The following MTHFD2 variants were observed in gnomAD, a reference collection of about 807,000 sequenced individuals.
The protein encoded by MTHFD2 is bifunctional methylenetetrahydrofolate dehydrogenase/cyclohydrolase, mitochondrial.
In MTHFD2, 26 loss-of-function variants were observed where a neutral mutation model predicts 36.8. That is an observed-to-expected ratio of 0.71 (90% CI 0.52 to 0.98). The LOEUF is 0.98. MTHFD2 is among the 50% of genes least tolerant of loss of function. MTHFD2 has a pLI of 0.00. For missense variants in MTHFD2, 373 were observed against 434.0 expected, an observed-to-expected ratio of 0.86 and a Z score of 1.25; for synonymous variants, 164 against 155.2, an observed-to-expected ratio of 1.06 and a Z score of -0.42.
At chr2:74,206,022 C>T in intron 2 of MTHFD2, 133 bp downstream of exon 2, 1 of 905,782 alleles carries the variant, frequency 1.1e-6, no homozygotes. Context: ...GAACTGTATC[C>T]CAAAACTTTG....
rs1694471897 is a variant in MTHFD2, at chr2:74,217,243, A to G, written c.*3001A>G. On this transcript the variant is annotated 3_prime_UTR_variant, in exon 8 of 8. Coordinates refer to ENST00000394053, the MANE Select transcript of MTHFD2 (RefSeq NM_006636.4). ...GTGATTTACTCAAGGTTTAAATCAT[A>G]GTTGTTTTGGAGAAAGTAAGTGTCA... 1 of 152,222 alleles carries G rather than the reference A, an allele frequency of 6.6e-6. No individual in the cohort carries two copies. 9.4% of individuals were successfully genotyped at this position (152,222 alleles called of 1,614,324 possible).
At chr2:74,210,935 C>T (rs180870223) in intron 5 of MTHFD2, among the ~76,000 whole-genome samples, 1 of 152,210 alleles carries the variant, frequency 6.6e-6, no homozygotes, top group African/African-American at 2.4e-5. Context: ...TACAGGCATG[C>T]GCCACCACGC....
intron 1 of MTHFD2, among the ~76,000 whole-genome samples, chr2:74,199,871 A>G (rs2103800506): frequency 6.6e-6 from 1 of 152,280 alleles, no homozygotes; most frequent in East Asian, 1.9e-4. Flanking sequence ...GAGCGCTGGC[A>G]TTGTTGGCAT....
intron 2 of MTHFD2, 69 bp downstream of exon 2, chr2:74,205,958 T>A: frequency 6.7e-7 from 1 of 1,490,998 alleles, no homozygotes; most frequent in Admixed American, 2.1e-5. Flanking sequence ...CCATTCTAAT[T>A]TATGATTTCT....
chr2:74,202,757 A>T (rs1176260615), intron 1 of MTHFD2, among the ~76,000 whole-genome samples: 1 of 151,332 alleles, frequency 6.6e-6, no homozygotes, highest in Non-Finnish European at 1.5e-5. Context: ...CAATCTCCTG[A>T]CCTCATGATC....
chr2:74,206,498 C>G (rs1378834300), intron 2 of MTHFD2: 1 of 152,250 alleles, frequency 6.6e-6, no homozygotes, highest in African/African-American at 2.4e-5. Flanking sequence ...TGGGCAGGCT[C>G]AGATATGCCT....
intron 1 of MTHFD2, among the ~76,000 whole-genome samples, chr2:74,199,240 G>T (rs556893977): frequency 7.9e-5 from 12 of 152,284 alleles, no homozygotes; most frequent in African/African-American, 2.9e-4. Context: ...CGACTTGCTC[G>T]GGGTCCCCGC....
chr2:74,201,285 A>G (rs1313817834), intron 1 of MTHFD2, among the ~76,000 whole-genome samples: 1 of 151,686 alleles, frequency 6.6e-6, no homozygotes, highest in African/African-American at 2.4e-5. Context: ...ACAGTTTTGG[A>G]TTTTATTTGA....
At chr2:74,213,119 G>C (rs1400509404) in intron 7 of MTHFD2, among the ~76,000 whole-genome samples, 4 of 151,912 alleles carry the variant, frequency 2.6e-5, no homozygotes, top group African/African-American at 9.7e-5. Flanking sequence ...GGCCAGGTTG[G>C]TCTTGAACTC....
Position 74,207,698 on chromosome 2 carries a change from T to C in MTHFD2, c.287-6T>C, listed in dbSNP as rs773272911. 8.1e-6 allele frequency: 13 copies of C among 1,596,794 alleles called. No individual in the cohort carries two copies. Among genetic ancestry groups the C allele is most frequent in the South Asian group, 7.8e-5 (7 of 89,948 alleles). On this transcript the variant is annotated splice_polypyrimidine_tract_variant and splice_region_variant and intron_variant, in intron 2 of 7. Coordinates refer to ENST00000394053, the MANE Select transcript of MTHFD2 (RefSeq NM_006636.4). ...ATTTTTTTAACCTCAAAATTTCTTATAATAGGAATCAACAGTGAGACAATT... is the reference window on the plus strand; with the variant it reads ...ATTTTTTTAACCTCAAAATTTCTTACAATAGGAATCAACAGTGAGACAATT...
intron 1 of MTHFD2, among the ~76,000 whole-genome samples, chr2:74,199,263 C>T (rs1280940268): frequency 3.3e-5 from 5 of 152,294 alleles, no homozygotes; most frequent in Middle Eastern, 3.4e-3. Context: ...CGCCCTCCTC[C>T]CTCCGCCGGT....
chr2:74,205,772 G>A lies in MTHFD2; in HGVS notation c.169G>A (p.Val57Ile), dbSNP rs1300117164. ...GATCAAGCAGGAAGTGCGGCAGGAG[G>A]TAGAAGAGTGGGTGGCCTCAGGCAA... Reference protein sequence around the residue: ...QQIKQEVRQEVEEWVASGNKR... With the variant: ...QQIKQEVRQEIEEWVASGNKR... Residue 57 changes from valine to isoleucine, a missense_variant, in exon 2 of 8, where the codon GTA (valine) becomes ATA (isoleucine). Coordinates refer to ENST00000394053, the MANE Select transcript of MTHFD2 (RefSeq NM_006636.4). 1.2e-6 allele frequency: 2 copies of A among 1,613,880 alleles called. No individual in the cohort carries two copies. Among genetic ancestry groups the A allele is most frequent in the Middle Eastern group, 1.6e-4 (1 of 6,062 alleles).
At chr2:74,205,247 C>T (rs753136985) in intron 1 of MTHFD2, among the ~76,000 whole-genome samples, 6 of 152,114 alleles carry the variant, frequency 3.9e-5, no homozygotes, top group Non-Finnish European at 5.9e-5. Flanking sequence ...GGACAAAACA[C>T]GAACTACAAA....
At chr2:74,208,853 C>T in intron 4 of MTHFD2, 132 bp downstream of exon 4, 1 of 942,290 alleles carries the variant, frequency 1.1e-6, no homozygotes, top group Non-Finnish European at 1.6e-6. Flanking sequence ...CCAAAGTTTA[C>T]CTCTCTTAAC....
intron 3 of MTHFD2, among the ~76,000 whole-genome samples, 195 bp from the exon 4 acceptor site, chr2:74,208,374 G>A (rs77503050): frequency 2.2e-4 from 33 of 152,326 alleles, no homozygotes; most frequent in African/African-American, 7.9e-4. Flanking sequence ...GTGGAGGGAA[G>A]CAGCTGTGAT....
chr2:74,198,632 G>T lies in MTHFD2; in HGVS notation c.-10G>T, dbSNP rs200377883. 1.1e-4 allele frequency: 183 copies of T among 1,595,682 alleles called. No homozygotes were observed. The African/African-American group carries it at 2.2e-3, about 19-fold the overall frequency. On this transcript the variant is annotated 5_prime_UTR_variant, in exon 1 of 8. Coordinates refer to ENST00000394053, the MANE Select transcript of MTHFD2 (RefSeq NM_006636.4). ...GCGCTTCCCTCCCGGCGCAGTCACC[G>T]GCGCGGTCTATGGCTGCGACTTCTC... is the stretch of plus-strand genomic sequence containing the variant.
chr2:74,198,861 G>A, intron 1 of MTHFD2, 119 bp downstream of exon 1: 1 of 986,568 alleles, frequency 1.0e-6, no homozygotes, highest in East Asian at 2.9e-5. Context: ...CGCCCCGGCG[G>A]TGGTGGCCGC....
At position 74,207,864 on chromosome 2, in the gene MTHFD2, T is replaced by C. The variant is rs577874465; in HGVS notation, c.409+38T>C. 1.9e-6 allele frequency: 3 copies of C among 1,554,066 alleles called. No individual in the cohort carries two copies. The South Asian group carries it at 3.5e-5, about 18-fold the overall frequency. On this transcript the variant is annotated intron_variant, in intron 3 of 7. Transcript: ENST00000394053. Reference sequence around the variant, plus strand: ...CTCCATTTAACATGATTGCTGCTGCTTCTGCTCCTTTCCCTCTCCCTCCCT... The same window carrying C: ...CTCCATTTAACATGATTGCTGCTGCCTCTGCTCCTTTCCCTCTCCCTCCCT...
intron 7 of MTHFD2, among the ~76,000 whole-genome samples, chr2:74,212,263 CTTTTTTT>C (rs398042480): frequency 2.8e-5 from 1 of 35,696 alleles, no homozygotes; most frequent in Non-Finnish European, 4.6e-5. Flanking sequence ...GTTTCTTTCT[CTTTTTTT>C]TTTTTTTTTT....
Sources: allele counts gnomAD v4.1 joint callset (sites outside exome capture counted in the v4.1 genomes callset), GRCh38; gene constraint gnomAD v4.1.1; transcripts MANE v1.5; gene names NCBI Gene and HGNC (gene_info 2026-07-23, HGNC 2026-07-21).